EDNRA: variants seen among roughly 807,000 people sequenced by gnomAD.
The protein encoded by EDNRA is endothelin receptor type A.
Under a neutral mutation model 41.4 loss-of-function variants are expected in EDNRA, and 11 were observed. That is an observed-to-expected ratio of 0.27 (90% CI 0.17 to 0.44). The LOEUF is 0.44. EDNRA is among the 20% of genes least tolerant of loss of function. The probability of loss-of-function intolerance (pLI) is 1.00; values close to 1 mark genes in which losing one functional copy is unlikely to be tolerated. For synonymous variants in EDNRA, 172 were observed against 183.0 expected, an observed-to-expected ratio of 0.94 and a Z score of 0.49; for missense variants, 294 against 531.0, an observed-to-expected ratio of 0.55 and a Z score of 4.39.
At chr4:147,527,790 C>T (rs1430990404) in intron 3 of EDNRA, among the ~76,000 whole-genome samples, 1 of 152,014 alleles carries the variant, frequency 6.6e-6, no homozygotes, top group Admixed American at 6.5e-5. Context: ...TGACAGGGTA[C>T]AAGGTGATAT....
chr4:147,500,108 A>G (rs940027318), intron 2 of EDNRA, among the ~76,000 whole-genome samples: 1 of 152,138 alleles, frequency 6.6e-6, no homozygotes, highest in East Asian at 1.9e-4. Flanking sequence ...CCTAGCCTCT[A>G]AAAGTCTTAA....
intron 2 of EDNRA, among the ~76,000 whole-genome samples, chr4:147,496,238 AAAG>A (rs1215625463): frequency 1.3e-5 from 2 of 152,252 alleles, no homozygotes; most frequent in Non-Finnish European, 2.9e-5. Flanking sequence ...TTTTAGTTTG[AAAG>A]AAGATTTAAA....
chr4:147,529,882 C>T (rs1177390088), intron 3 of EDNRA, among the ~76,000 whole-genome samples: 1 of 152,156 alleles, frequency 6.6e-6, no homozygotes, highest in Non-Finnish European at 1.5e-5. Context: ...GTTCTTATGG[C>T]TGTTTTCCCC....
At chr4:147,526,275 G>A (rs926809620) in intron 3 of EDNRA, among the ~76,000 whole-genome samples, 6 of 152,196 alleles carry the variant, frequency 3.9e-5, no homozygotes, top group East Asian at 3.8e-4. Context: ...AACAACAACC[G>A]TTTTATCATA....
intron 2 of EDNRA, chr4:147,496,161 A>T (rs1053384825): frequency 1.3e-5 from 2 of 152,224 alleles, no homozygotes; most frequent in Non-Finnish European, 2.9e-5. Flanking sequence ...ATCCCACGTA[A>T]GTTTTATGCC....
chr4:147,510,250 G>C (rs1348288292), intron 2 of EDNRA, among the ~76,000 whole-genome samples: 2 of 152,086 alleles, frequency 1.3e-5, no homozygotes, highest in African/African-American at 4.8e-5. Flanking sequence ...AGGCTCTCTG[G>C]GTTTGCAGGT....
intron 2 of EDNRA, among the ~76,000 whole-genome samples, chr4:147,505,168 G>C (rs2126417592): frequency 6.9e-6 from 1 of 145,700 alleles, no homozygotes; most frequent in African/African-American, 2.6e-5. Context: ...ACCGCAGTGA[G>C]ATATCACTAC....
In EDNRA at chr4:147,544,929, T is replaced by C. The variant is rs201556284; in HGVS notation, c.*2311T>C. On this transcript the variant is annotated 3_prime_UTR_variant, in exon 8 of 8. Transcript: ENST00000651419. The stretch of plus-strand genomic sequence containing the variant: ...CTGAGTTGGCAGTGGCCCATAAGTG[T>C]AAAATAAAAGTTTACAGAAACCTTG... 6 of 152,728 alleles carry C rather than the reference T, an allele frequency of 3.9e-5. No individual in the cohort carries two copies. In the South Asian group the frequency reaches 1.2e-3, roughly 32 times the overall value. 9.5% of individuals were successfully genotyped at this position (152,728 alleles called of 1,614,324 possible).
At chr4:147,529,127 AG>A (rs1365461983) in intron 3 of EDNRA, among the ~76,000 whole-genome samples, 5 of 152,214 alleles carry the variant, frequency 3.3e-5, no homozygotes, top group African/African-American at 1.2e-4. Context: ...AGTTGTTGCA[AG>A]ATTTGCTGAA....
intron 3 of EDNRA, among the ~76,000 whole-genome samples, chr4:147,526,452 C>T (rs1327022517): frequency 1.3e-5 from 2 of 152,156 alleles, no homozygotes; most frequent in Non-Finnish European, 2.9e-5. Context: ...CAGAGCCCAT[C>T]TCCCCCTCCA....
chr4:147,538,425 A>T (rs1730986224), intron 5 of EDNRA, among the ~76,000 whole-genome samples: 1 of 152,324 alleles, frequency 6.6e-6, no homozygotes, highest in East Asian at 1.9e-4. Flanking sequence ...ACAAATCAAG[A>T]CCAGAGTGAT....
intron 4 of EDNRA, among the ~76,000 whole-genome samples, chr4:147,533,001 G>A (rs1352651596): frequency 7.1e-6 from 1 of 141,206 alleles, no homozygotes; most frequent in African/African-American, 2.9e-5. Context: ...GTGTGTGTGT[G>A]TGTATGTGTG....
intron 2 of EDNRA, chr4:147,493,849 A>G (rs1191632670): frequency 1.3e-5 from 2 of 152,190 alleles, no homozygotes; most frequent in Non-Finnish European, 2.9e-5. Context: ...AAAATTAAAT[A>G]AATAAATTTG....
chr4:147,536,473 G>A (rs746016352), intron 5 of EDNRA, among the ~76,000 whole-genome samples: 2 of 152,208 alleles, frequency 1.3e-5, no homozygotes, highest in Non-Finnish European at 2.9e-5. Flanking sequence ...GCCAGGAAGG[G>A]TATGAGATAG....
At chr4:147,542,345 G>A in intron 7 of EDNRA, 133 bp from the exon 8 acceptor site, 5 of 1,240,264 alleles carry the variant, frequency 4.0e-6, no homozygotes, top group Non-Finnish European at 4.5e-6. Flanking sequence ...CTCCACTCTA[G>A]GTTACTGTCA....
chr4:147,515,589 G>T (rs1475956738), intron 2 of EDNRA, among the ~76,000 whole-genome samples: 1 of 152,192 alleles, frequency 6.6e-6, no homozygotes, highest in Non-Finnish European at 1.5e-5. Context: ...TGTAGAGTGA[G>T]AATCAGTCCC....
Position 147,537,959 on chromosome 4 carries a change from C to A in EDNRA, c.901-1858C>A, listed in dbSNP as rs561537394. Among the ~76,000 whole-genome samples, 8 of 152,232 alleles carry A rather than the reference C, an allele frequency of 5.3e-5. No homozygotes were observed. The East Asian group carries it at 5.8e-4, about 11-fold the overall frequency. On this transcript the variant is annotated intron_variant, in intron 5 of 7. Coordinates refer to ENST00000651419, the MANE Select transcript of EDNRA (RefSeq NM_001957.4). Reference sequence around the variant, plus strand: ...CCATCTTGACTAATACTCTGTGGGGCTCATAGTTTTGCTTCTTGCTTGGTT... The same window carrying A: ...CCATCTTGACTAATACTCTGTGGGGATCATAGTTTTGCTTCTTGCTTGGTT...
chr4:147,521,808 G>A (rs1730329053), intron 3 of EDNRA, among the ~76,000 whole-genome samples: 1 of 152,020 alleles, frequency 6.6e-6, no homozygotes, highest in Non-Finnish European at 1.5e-5. Flanking sequence ...GAAAAGAAAT[G>A]GGAAAATAAT....
At chr4:147,482,237 C>T (rs565173156) in intron 1 of EDNRA, among the ~76,000 whole-genome samples, 1 of 152,208 alleles carries the variant, frequency 6.6e-6, no homozygotes, top group Non-Finnish European at 1.5e-5. Context: ...ATGCTCTAAA[C>T]TCATGCCATT....
Sources: allele counts gnomAD v4.1 joint callset (sites outside exome capture counted in the v4.1 genomes callset), GRCh38; gene constraint gnomAD v4.1.1; transcripts MANE v1.5; gene names NCBI Gene and HGNC (gene_info 2026-07-23, HGNC 2026-07-21).